Variants in THRB observed in about 807,000 individuals in gnomAD.
The protein encoded by THRB is nuclear receptor subfamily 1 group A member 2.
Under a neutral mutation model 47.8 loss-of-function variants are expected in THRB, and 12 were observed. That is an observed-to-expected ratio of 0.25 (90% CI 0.16 to 0.41). The LOEUF is 0.41. Ranked by LOEUF, THRB falls within the 10% of genes least tolerant of loss-of-function variation. THRB has a pLI of 1.00. For synonymous variants in THRB, 218 were observed against 212.2 expected (o/e 1.03, Z -0.24); for missense variants, 348 against 589.2 (o/e 0.59, Z 4.24).
intron 1 of THRB, among the ~76,000 whole-genome samples, chr3:24,465,695 C>T (rs529328124): frequency 6.6e-6 from 1 of 152,168 alleles, no homozygotes; most frequent in Non-Finnish European, 1.5e-5. Context: ...TGAGTCAGCG[C>T]ACCCGGCCTA....
chr3:24,127,374 C>T (rs1048347326), intron 10 of THRB, 125 bp downstream of exon 10: 28 of 1,044,156 alleles, frequency 2.7e-5, no homozygotes, highest in Non-Finnish European at 4.3e-6. Context: ...CCTGCAATTT[C>T]TTACTGAAGA....
At chr3:24,433,402 T>G (rs2125307132) in intron 1 of THRB, among the ~76,000 whole-genome samples, 1 of 152,120 alleles carries the variant, frequency 6.6e-6, no homozygotes, top group African/African-American at 2.4e-5. Flanking sequence ...AAGCATAGAT[T>G]AGAGTGACGC....
intron 3 of THRB, among the ~76,000 whole-genome samples, chr3:24,247,456 G>A (rs913243187): frequency 6.6e-6 from 1 of 152,094 alleles, no homozygotes; most frequent in Non-Finnish European, 1.5e-5. Context: ...TACAGTTGGG[G>A]GAACTAAAGT....
At chr3:24,467,470 T>C (rs1434033073) in intron 1 of THRB, among the ~76,000 whole-genome samples, 1 of 152,200 alleles carries the variant, frequency 6.6e-6, no homozygotes, top group Non-Finnish European at 1.5e-5. Context: ...GAGGAATCTC[T>C]ATCTATGCAG....
intron 2 of THRB, among the ~76,000 whole-genome samples, chr3:24,326,099 T>G (rs1186339703): frequency 6.6e-6 from 1 of 152,224 alleles, no homozygotes; most frequent in Non-Finnish European, 1.5e-5. Context: ...CTTAATATCT[T>G]GAATATGTGA....
At chr3:24,270,389 A>T (rs1009975400) in intron 3 of THRB, among the ~76,000 whole-genome samples, 3 of 152,250 alleles carry the variant, frequency 2.0e-5, no homozygotes, top group African/African-American at 7.2e-5. Flanking sequence ...AACATGTGTC[A>T]GGTCAGAGAT....
chr3:24,413,518 C>CA (rs1235460218), intron 1 of THRB, among the ~76,000 whole-genome samples: 1 of 151,706 alleles, frequency 6.6e-6, no homozygotes, highest in Non-Finnish European at 1.5e-5. Flanking sequence ...TTAATATTCA[C>CA]AATTGAAATT....
In THRB at chr3:24,269,599, ATTTTTTTT is replaced by A. The variant is rs10575669; in HGVS notation, c.-43+27619_-43+27626del. Among the ~76,000 whole-genome samples the A allele has an allele frequency of 4.5e-5, 6 of 134,292 alleles. No homozygotes were observed. The East Asian group carries it at 1.3e-3, about 29-fold the overall frequency. The allele number at this position is 134,292 out of a possible 152,430, so 88.1% of individuals were successfully genotyped here. On this transcript the variant is annotated intron_variant, in intron 3 of 10. Transcript: ENST00000646209. ...TGCCACTACACCTGGATAATTTTTA[ATTTTTTTT>A]TTTTTTTTTGTAGAGACAGAATCTC...
chr3:24,413,066 G>A (rs2068443682), intron 1 of THRB, among the ~76,000 whole-genome samples: 2 of 151,666 alleles, frequency 1.3e-5, no homozygotes, highest in South Asian at 4.2e-4. Context: ...CAACCCTCTG[G>A]CCCACTGAAC....
At chr3:24,384,108 C>T (rs2065905655) in intron 1 of THRB, among the ~76,000 whole-genome samples, 1 of 152,108 alleles carries the variant, frequency 6.6e-6, no homozygotes, top group South Asian at 2.1e-4. Flanking sequence ...GGTCTTTCCA[C>T]CTTTATACAT....
chr3:24,460,931 C>CTGGAAAGTTGTAAAGCCCCCCAGAAGTAT (rs1560241311), intron 1 of THRB, among the ~76,000 whole-genome samples: 1 of 152,126 alleles, frequency 6.6e-6, no homozygotes, highest in Non-Finnish European at 1.5e-5. Context: ...TTCCAAAAGC[C>CTGGAAAGTTGTAAAGCCCCCCAGAAGTAT]TGGAAAGTTG....
At chr3:24,421,971 G>A (rs1315119961) in intron 1 of THRB, among the ~76,000 whole-genome samples, 1 of 151,898 alleles carries the variant, frequency 6.6e-6, no homozygotes. Context: ...TCCTAGTCTA[G>A]TGTTCCTTTT....
intron 3 of THRB, among the ~76,000 whole-genome samples, chr3:24,278,187 C>T (rs1325891981): frequency 6.6e-6 from 1 of 152,166 alleles, no homozygotes; most frequent in Non-Finnish European, 1.5e-5. Context: ...TTTGTTCACT[C>T]TCTCACTAAT....
In THRB at chr3:24,464,719, A is replaced by G. The variant is rs149028122; in HGVS notation, c.-261+29933T>C. Among the ~76,000 whole-genome samples the G allele has an allele frequency of 2.9e-4, 44 of 152,230 alleles. No homozygotes were observed. In the East Asian group the frequency reaches 8.1e-3, roughly 28 times the overall value. On this transcript the variant is annotated intron_variant, in intron 1 of 10. Coordinates refer to ENST00000646209, the MANE Select transcript of THRB (RefSeq NM_001354712.2). Reference sequence around the variant, plus strand: ...TGTATTTGTTTCTTTCCTGATCTCTATTGAATTGATTATTGAATTTATTCT... The same window carrying G: ...TGTATTTGTTTCTTTCCTGATCTCTGTTGAATTGATTATTGAATTTATTCT...
intron 6 of THRB, 76 bp downstream of exon 6, chr3:24,152,314 C>T: frequency 6.3e-6 from 5 of 792,242 alleles, no homozygotes; most frequent in Non-Finnish European, 1.1e-5. Context: ...TTAAACTTAA[C>T]ATTGCATTCT....
chr3:24,393,803 A>T (rs1346995747), intron 1 of THRB, among the ~76,000 whole-genome samples: 2 of 152,128 alleles, frequency 1.3e-5, no homozygotes, highest in African/African-American at 2.4e-5. Context: ...AAGGAACAGA[A>T]TAATGTAGGA....
chr3:24,415,706 T>C (rs1336315788), intron 1 of THRB, among the ~76,000 whole-genome samples: 1 of 151,888 alleles, frequency 6.6e-6, no homozygotes, highest in Non-Finnish European at 1.5e-5. Flanking sequence ...AAATAATTAT[T>C]TATTTCAAAT....
chr3:24,299,984 A>C (rs1482287852), intron 2 of THRB, among the ~76,000 whole-genome samples: 1 of 151,996 alleles, frequency 6.6e-6, no homozygotes, highest in East Asian at 1.9e-4. Context: ...ACTAAATGGC[A>C]TAAAATTTTT....
intron 3 of THRB, among the ~76,000 whole-genome samples, chr3:24,251,183 C>G (rs1453698889): frequency 6.6e-6 from 1 of 151,948 alleles, no homozygotes; most frequent in Non-Finnish European, 1.5e-5. Context: ...ATGTTAAAAC[C>G]TATGTGAGAC....
Sources: allele counts gnomAD v4.1 joint callset (sites outside exome capture counted in the v4.1 genomes callset), GRCh38; gene constraint gnomAD v4.1.1; transcripts MANE v1.5; gene names NCBI Gene and HGNC (gene_info 2026-07-23, HGNC 2026-07-21).